MEP1A: variants seen among roughly 807,000 people sequenced by gnomAD.
MEP1A encodes the protein meprin A subunit alpha.
A neutral mutation model predicts 84.5 loss-of-function variants in MEP1A; 68 were observed. The ratio of observed to expected loss-of-function variants is 0.80; its 90% CI spans 0.66 to 0.98. The LOEUF is 0.98. Among genes scored for constraint, MEP1A ranks in the 50% least tolerant of loss-of-function variants. The pLI is 0.00. For synonymous variants in MEP1A, 337 were observed against 336.8 expected, an observed-to-expected ratio of 1.00 and a Z score of -0.01; for missense variants, 887 against 919.9, an observed-to-expected ratio of 0.96 and a Z score of 0.46.
chr6:46,810,033 C>T (rs560900339), intron 6 of MEP1A, among the ~76,000 whole-genome samples: 2 of 151,896 alleles, frequency 1.3e-5, no homozygotes, highest in African/African-American at 4.8e-5. Context: ...CTTTAAGGAA[C>T]CTCCACACTG....
intron 9 of MEP1A, 51 bp from the exon 10 acceptor site, chr6:46,829,305 C>A (rs1167181245): frequency 1.3e-6 from 2 of 1,510,512 alleles, no homozygotes; most frequent in African/African-American, 1.4e-5. Flanking sequence ...GTGGACAGAA[C>A]CCTGGGGTGT....
At chr6:46,835,672 C>G (rs145464889) in intron 13 of MEP1A, 123 bp downstream of exon 13, 1 of 1,080,782 alleles carries the variant, frequency 9.3e-7, no homozygotes, top group Non-Finnish European at 1.3e-6. Context: ...CAACTGAATG[C>G]GGTTTTCTTT....
chr6:46,827,909 G>T (rs1295854010), intron 9 of MEP1A, among the ~76,000 whole-genome samples: 3 of 152,206 alleles, frequency 2.0e-5, no homozygotes, highest in Non-Finnish European at 2.9e-5. Flanking sequence ...CAGCCCAGAA[G>T]AAAGATCTGG....
At chr6:46,824,279 T>A (rs1359523012) in intron 7 of MEP1A, among the ~76,000 whole-genome samples, 2 of 151,930 alleles carry the variant, frequency 1.3e-5, no homozygotes, top group Non-Finnish European at 2.9e-5. Flanking sequence ...CACACCCAGA[T>A]ACACACGTAT....
intron 9 of MEP1A, among the ~76,000 whole-genome samples, chr6:46,828,244 T>TTC (rs1767993654): frequency 1.3e-5 from 2 of 151,896 alleles, no homozygotes; most frequent in Admixed American, 6.6e-5. Context: ...CTGTTTTTTT[T>TTC]TTTTTTCTAA....
intron 3 of MEP1A, among the ~76,000 whole-genome samples, chr6:46,795,079 A>G (rs575117088): frequency 6.6e-6 from 1 of 152,124 alleles, no homozygotes; most frequent in Non-Finnish European, 1.5e-5. Flanking sequence ...CCTTTTTACC[A>G]TCTTCTTTTT....
intron 10 of MEP1A, 90 bp from the exon 11 acceptor site, chr6:46,832,984 A>G: frequency 1.4e-6 from 1 of 698,768 alleles, no homozygotes; most frequent in South Asian, 2.5e-5. Flanking sequence ...GAGATAATTT[A>G]TGGAAAGCAC....
downstream of MEP1A, among the ~76,000 whole-genome samples, chr6:46,844,483 C>A (rs1768382018): frequency 6.6e-6 from 1 of 152,140 alleles, no homozygotes. Context: ...TCATCTGGGT[C>A]ACAGCATACC....
At chr6:46,822,340 C>A (rs894748974) in intron 7 of MEP1A, among the ~76,000 whole-genome samples, 1 of 152,126 alleles carries the variant, frequency 6.6e-6, no homozygotes, top group Admixed American at 6.5e-5. Flanking sequence ...TGGATTACAG[C>A]CCCTTTTCAA....
the MEP1A span, among the ~76,000 whole-genome samples, chr6:46,845,863 C>T: frequency 5.9e-5 from 9 of 152,136 alleles, no homozygotes; most frequent in Non-Finnish European, 1.2e-4. Context: ...GAATGTGGTT[C>T]TGTTACCTGT....
At chr6:46,818,783 T>G (rs1767698702) in intron 6 of MEP1A, among the ~76,000 whole-genome samples, 1 of 152,214 alleles carries the variant, frequency 6.6e-6, no homozygotes, top group Admixed American at 6.5e-5. Flanking sequence ...GATCTTTTTA[T>G]GATCATAAAA....
At position 46,829,220 on chromosome 6, in the gene MEP1A, T is replaced by G. The variant is rs1353633266; in HGVS notation, c.929-136T>G. ...AATATTTACTGACAAATGTCCTTCT[T>G]TTTATTTTCCTCCGAAGAGTTCTAG... On this transcript the variant is annotated intron_variant, in intron 9 of 13. Transcript: ENST00000230588. The G allele has an allele frequency of 4.3e-6, 3 of 692,702 alleles. No individual in the cohort carries two copies. The East Asian group carries it at 7.7e-5, about 18-fold the overall frequency. 42.9% of individuals were successfully genotyped at this position (692,702 alleles called of 1,614,324 possible).
chr6:46,816,512 A>T (rs536285536), intron 6 of MEP1A, among the ~76,000 whole-genome samples: 1 of 151,816 alleles, frequency 6.6e-6, no homozygotes, highest in South Asian at 2.1e-4. Flanking sequence ...GTTAGAGAGA[A>T]GAAGGGAGGA....
rs1483509741 is a variant in MEP1A, at chr6:46,797,832, TTC to T, written c.146-772_146-771del. Among the ~76,000 whole-genome samples, 38 of 132,162 alleles carry T rather than the reference TTC, an allele frequency of 2.9e-4. 1 individual carries two copies. Among genetic ancestry groups the T allele is most frequent in the African/African-American group, 1.0e-3 (37 of 35,746 alleles). The allele number at this position is 132,162 out of a possible 152,430, so 86.7% of individuals were successfully genotyped here. On this transcript the variant is annotated intron_variant, in intron 3 of 13. Transcript: ENST00000230588. ...TTTCTTTCTTTCTTTCTTTCTTTCT[TTC>T]TTTCTCTCTCTCTTTCTTTCTTTCT... is the stretch of plus-strand genomic sequence containing the variant.
At chr6:46,836,121 A>G (rs1768211702) in intron 13 of MEP1A, among the ~76,000 whole-genome samples, 1 of 152,308 alleles carries the variant, frequency 6.6e-6, no homozygotes, top group South Asian at 2.1e-4. Context: ...GGCTCTCCTT[A>G]TCCCCGTTTA....
At chr6:46,799,403 A>C (rs1204419834) in intron 5 of MEP1A, among the ~76,000 whole-genome samples, 2 of 152,218 alleles carry the variant, frequency 1.3e-5, no homozygotes, top group Non-Finnish European at 2.9e-5. Flanking sequence ...TTTAAAATGC[A>C]ACACACATTA....
At chr6:46,835,165 C>A in intron 12 of MEP1A, 84 bp from the exon 13 acceptor site, 1 of 1,256,118 alleles carries the variant, frequency 8.0e-7, no homozygotes, top group Non-Finnish European at 1.1e-6. Context: ...TAGAAGCAGG[C>A]TGGGGAACTT....
chr6:46,840,731 G>A (rs1420510658), downstream of MEP1A, among the ~76,000 whole-genome samples: 1 of 152,042 alleles, frequency 6.6e-6, no homozygotes, highest in East Asian at 1.9e-4. Flanking sequence ...TAATACAATG[G>A]GATAATGAAT....
At chr6:46,844,568 T>G (rs220689), downstream of MEP1A, among the ~76,000 whole-genome samples, 44,309 of 151,874 alleles carry the variant, frequency 0.29, 7,391 homozygotes, top group East Asian at 0.43. Context: ...TTAAAAACAT[T>G]TAAAGATCCT....
Sources: allele counts gnomAD v4.1 joint callset (sites outside exome capture counted in the v4.1 genomes callset), GRCh38; gene constraint gnomAD v4.1.1; transcripts MANE v1.5; gene names NCBI Gene and HGNC (gene_info 2026-07-23, HGNC 2026-07-21).